ABHD2: variants seen among roughly 807,000 people sequenced by gnomAD.
ABHD2 encodes the protein abhydrolase domain containing 2, acylglycerol lipase.
A neutral mutation model predicts 48.1 loss-of-function variants in ABHD2; 20 were observed. The observed-to-expected ratio is 0.42, with a 90% CI of 0.29 to 0.60. ABHD2 has a LOEUF of 0.60. ABHD2 is among the 20% of genes least tolerant of loss of function. ABHD2 has a pLI of 0.24. For synonymous variants in ABHD2, 209 were observed against 214.2 expected (o/e 0.98, Z 0.21); for missense variants, 405 against 550.9 (o/e 0.74, Z 2.65).
rs1020183054 is a variant in ABHD2, at chr15:89,196,018, TGAGA to T, written c.*597_*600del. On this transcript the variant is annotated 3_prime_UTR_variant, in exon 11 of 11. Transcript: ENST00000352732. ...CCATTTCCCTACGCTTTGCTGCTGC[TGAGA>T]GTTACGTGAGGCACTTGTTAAAAAT... 105 of 152,740 alleles carry T rather than the reference TGAGA, an allele frequency of 6.9e-4. No individual in the cohort carries two copies. Among genetic ancestry groups the T allele is most frequent in the African/African-American group, 2.5e-3 (104 of 41,564 alleles). 9.5% of individuals were successfully genotyped at this position (152,740 alleles called of 1,614,324 possible). A position where few individuals can be genotyped will look rare whatever the true frequency, so the allele number is the denominator to read the frequency against.
the ABHD2 span, among the ~76,000 whole-genome samples, chr15:89,077,997 T>G: frequency 1.3e-5 from 2 of 152,218 alleles, no homozygotes; most frequent in African/African-American, 4.8e-5. Context: ...TCCCTTTCCC[T>G]TGAATATATG....
chr15:89,041,897 G>A, the ABHD2 span, among the ~76,000 whole-genome samples: 1 of 152,072 alleles, frequency 6.6e-6, no homozygotes, highest in African/African-American at 2.4e-5. Flanking sequence ...CCCCTACCTG[G>A]AATCAGAGGC....
At chr15:89,112,107 T>G (rs529000913) in intron 1 of ABHD2, among the ~76,000 whole-genome samples, 1 of 152,164 alleles carries the variant, frequency 6.6e-6, no homozygotes, top group South Asian at 2.1e-4. Context: ...GGATCAGTGT[T>G]GAGGTCACCA....
chr15:89,093,422 C>T (rs554174095), intron 1 of ABHD2, among the ~76,000 whole-genome samples: 2 of 152,232 alleles, frequency 1.3e-5, no homozygotes, highest in East Asian at 1.9e-4. Context: ...CCTCTTGCCT[C>T]AGCCTCCCAA....
At chr15:89,074,149 G>A in the ABHD2 span, among the ~76,000 whole-genome samples, 1 of 152,160 alleles carries the variant, frequency 6.6e-6, no homozygotes, top group Non-Finnish European at 1.5e-5. Flanking sequence ...CGAGGTAGGT[G>A]GATCACCTAA....
chr15:89,052,609 A>C, the ABHD2 span, among the ~76,000 whole-genome samples: 1,549 of 151,962 alleles, frequency 0.01, 13 homozygotes, highest in Non-Finnish European at 0.015. Flanking sequence ...AAGCCATGTG[A>C]AGATGAGGGC....
the ABHD2 span, among the ~76,000 whole-genome samples, chr15:89,058,387 C>A: frequency 6.6e-6 from 1 of 152,204 alleles, no homozygotes; most frequent in Non-Finnish European, 1.5e-5. Context: ...TAGTGAGGTC[C>A]ACTCTTGGGA....
Position 89,195,389 on chromosome 15 carries a change from C to G in ABHD2, c.1244C>G (p.Ser415Cys). ...CQWERNKLQC[S>C]DTEQVEADLE The stretch of plus-strand genomic sequence containing the variant: ...TGGGAGCGTAACAAGTTGCAGTGCT[C>G]TGACACGGAGCAGGTGGAGGCCGAC... Residue 415 changes from serine to cysteine, a missense_variant, in exon 11 of 11, where the codon TCT becomes TGT. Coordinates refer to ENST00000352732, the MANE Select transcript of ABHD2 (RefSeq NM_152924.5). The surrounding 1 kb of genome is among the most constrained non-coding windows in gnomAD (Gnocchi z 5.1). The G allele has an allele frequency of 6.2e-7, 1 of 1,614,136 alleles. No homozygotes were observed. Among genetic ancestry groups the G allele is most frequent in the Non-Finnish European group, 8.5e-7 (1 of 1,180,032 alleles).
At chr15:89,133,834 ATTT>A (rs71464448) in intron 3 of ABHD2, among the ~76,000 whole-genome samples, 2,032 of 123,718 alleles carry the variant, frequency 0.016, 19 homozygotes, top group Non-Finnish European at 0.026. Flanking sequence ...GCCATGCATA[ATTT>A]TTTTTTTTTT....
At position 89,092,077 on chromosome 15, in the gene ABHD2, T is replaced by C. The variant is rs1484325272; in HGVS notation, c.-107+3514T>C. Reference sequence around the variant, plus strand: ...CTTTCAGGATTTTCATATCTGCAGATTGATTTTTGTTGTCTTGTCCAGGGC... The same window carrying C: ...CTTTCAGGATTTTCATATCTGCAGACTGATTTTTGTTGTCTTGTCCAGGGC... On this transcript the variant is annotated intron_variant, in intron 1 of 10. Coordinates refer to ENST00000352732, the MANE Select transcript of ABHD2 (RefSeq NM_152924.5). This position sits in a 1 kb window ranked among gnomAD's most constrained non-coding sequence, Gnocchi z 4.4. Among the ~76,000 whole-genome samples, 23 of 152,228 alleles carry C rather than the reference T, an allele frequency of 1.5e-4. No homozygotes were observed. The highest frequency in any genetic ancestry group is 1.5e-3 in the Admixed American group (23 of 15,282).
the ABHD2 span, among the ~76,000 whole-genome samples, chr15:89,064,277 T>C: frequency 6.8e-6 from 1 of 147,214 alleles, no homozygotes; most frequent in Admixed American, 7.0e-5. Flanking sequence ...TGGAGTGCAG[T>C]GGTGCGATCT....
chr15:89,069,126 T>C, the ABHD2 span, among the ~76,000 whole-genome samples: 1 of 101,754 alleles, frequency 9.8e-6, no homozygotes, highest in African/African-American at 3.4e-5. Flanking sequence ...TCTTTTCTTT[T>C]TTTTTTTTTT....
chr15:89,151,607 T>C lies in ABHD2; in HGVS notation c.195-70T>C. 6.6e-7 allele frequency: 1 copy of C among 1,520,196 alleles called. No homozygotes were observed. Among genetic ancestry groups the C allele is most frequent in the South Asian group, 1.3e-5 (1 of 78,668 alleles). The allele number at this position is 1,520,196 out of a possible 1,614,324, so 94.2% of individuals were successfully genotyped here. ...GAACAAAAATAGGTTGAAAGAGTTT[T>C]GCTAAAAGATTTTTCAGAACGTTGC... On this transcript the variant is annotated intron_variant, in intron 3 of 10. Transcript: ENST00000352732. This position sits in a 1 kb window ranked among gnomAD's most constrained non-coding sequence, Gnocchi z 4.7.
intron 3 of ABHD2, among the ~76,000 whole-genome samples, chr15:89,133,121 G>T (rs373979723): frequency 1.3e-5 from 2 of 152,146 alleles, no homozygotes; most frequent in South Asian, 2.1e-4. Flanking sequence ...TAGAACCTAT[G>T]ACCTTGTACC....
the ABHD2 span, among the ~76,000 whole-genome samples, chr15:89,052,829 C>T: frequency 1.3e-5 from 2 of 152,162 alleles, no homozygotes; most frequent in African/African-American, 2.4e-5. Flanking sequence ...GGCGCCCCTT[C>T]CCTGAGGGGA....
At chr15:89,110,369 CT>C (rs1322677092) in intron 1 of ABHD2, among the ~76,000 whole-genome samples, 1 of 151,994 alleles carries the variant, frequency 6.6e-6, no homozygotes, top group South Asian at 2.1e-4. Flanking sequence ...GCCTTATTGT[CT>C]TTTTTTTCAA....
chr15:89,052,983 T>C, the ABHD2 span, among the ~76,000 whole-genome samples: 1 of 151,556 alleles, frequency 6.6e-6, no homozygotes, highest in African/African-American at 2.4e-5. Context: ...TTTTTTTTTT[T>C]TTGAGATGGA....
chr15:89,185,795 C>A lies in ABHD2; in HGVS notation c.815+279C>A, dbSNP rs761310060. Among the ~76,000 whole-genome samples the A allele has an allele frequency of 2.3e-4, 35 of 152,232 alleles. No individual in the cohort carries two copies. Among genetic ancestry groups the A allele is most frequent in the Non-Finnish European group, 4.6e-4 (31 of 68,012 alleles). ...ACCAGCCTGGCCAACATGGCGAAAC[C>A]CCATCTCTACCAAAAATACAAAAAT... On this transcript the variant is annotated intron_variant, in intron 7 of 10. Transcript: ENST00000352732. The surrounding 1 kb of genome is among the most constrained non-coding windows in gnomAD (Gnocchi z 5.9).
rs1444080212 is a variant in ABHD2 at position 89,195,923 on chromosome 15, G to C, written c.*500G>C. On this transcript the variant is annotated 3_prime_UTR_variant, in exon 11 of 11. Coordinates refer to ENST00000352732, the MANE Select transcript of ABHD2 (RefSeq NM_152924.5). The surrounding 1 kb of genome is among the most constrained non-coding windows in gnomAD (Gnocchi z 5.1). The stretch of plus-strand genomic sequence containing the variant: ...GAGAACCCAGGCTTCCCAGGCCAGA[G>C]TGTGGCTTCTTAAACGGCAAAGGAA... The C allele has an allele frequency of 6.5e-5, 10 of 152,740 alleles. No individual in the cohort carries two copies. Among genetic ancestry groups the C allele is most frequent in the African/African-American group, 2.4e-4 (10 of 41,422 alleles). The allele number at this position is 152,740 out of a possible 1,614,324, so 9.5% of individuals were successfully genotyped here.
Sources: allele counts gnomAD v4.1 joint callset (sites outside exome capture counted in the v4.1 genomes callset), GRCh38; gene constraint gnomAD v4.1.1; non-coding constraint Gnocchi (gnomAD v3.1); transcripts MANE v1.5; gene names NCBI Gene and HGNC (gene_info 2026-07-23, HGNC 2026-07-21).